The following DDX10 variants were observed in gnomAD, a reference collection of about 807,000 sequenced individuals.
The protein encoded by DDX10 is probable ATP-dependent RNA helicase DDX10.
DDX10 carries 74 observed loss-of-function variants against 104.3 expected under a neutral mutation model. The ratio of observed to expected loss-of-function variants is 0.71; its 90% CI spans 0.59 to 0.86. The LOEUF is 0.86. Ranked by LOEUF, DDX10 falls within the 40% of genes least tolerant of loss-of-function variation. The pLI is 0.00. For synonymous variants in DDX10, 351 were observed against 353.4 expected, an observed-to-expected ratio of 0.99 and a Z score of 0.08; for missense variants, 952 against 1,040.0, an observed-to-expected ratio of 0.92 and a Z score of 1.16.
intron 13 of DDX10, among the ~76,000 whole-genome samples, chr11:108,794,322 A>C (rs1861910604): frequency 6.6e-6 from 1 of 152,004 alleles, no homozygotes; most frequent in African/African-American, 2.4e-5. Flanking sequence ...ACAGTTATGT[A>C]ATCTTTGAAT....
At chr11:108,680,518 T>A (rs2094233396) in intron 6 of DDX10, among the ~76,000 whole-genome samples, 1 of 152,206 alleles carries the variant, frequency 6.6e-6, no homozygotes, top group South Asian at 2.1e-4. Flanking sequence ...TGTGCCCAGC[T>A]GGGATATGTT....
intron 13 of DDX10, among the ~76,000 whole-genome samples, chr11:108,813,830 T>C (rs1862219716): frequency 6.6e-6 from 1 of 152,208 alleles, no homozygotes; most frequent in South Asian, 2.1e-4. Flanking sequence ...CAATCTTTTC[T>C]ACTGATTTAA....
At chr11:108,843,755 G>GA (rs35584339) in intron 15 of DDX10, among the ~76,000 whole-genome samples, 5,972 of 142,850 alleles carry the variant, frequency 0.042, 407 homozygotes, top group African/African-American at 0.14. Flanking sequence ...AGACTCCATC[G>GA]AAAAAAAAAA....
At chr11:108,813,907 C>G (rs1006038482) in intron 13 of DDX10, among the ~76,000 whole-genome samples, 1 of 152,054 alleles carries the variant, frequency 6.6e-6, no homozygotes, top group African/African-American at 2.4e-5. Flanking sequence ...TTTCATTGAT[C>G]TGTATATGTT....
intron 17 of DDX10, among the ~76,000 whole-genome samples, chr11:108,940,004 A>G (rs576248976): frequency 6.6e-6 from 1 of 152,268 alleles, no homozygotes; most frequent in South Asian, 2.1e-4. Context: ...GTAACTTCCT[A>G]GAATGATTGT....
At chr11:108,814,641 C>A (rs1862229650) in intron 13 of DDX10, among the ~76,000 whole-genome samples, 1 of 152,008 alleles carries the variant, frequency 6.6e-6, no homozygotes, top group Admixed American at 6.6e-5. Flanking sequence ...AATCTTGAAT[C>A]TTAGAGTAAC....
rs139455372 is a variant in DDX10, at chr11:108,771,992, G to A, written c.1965+48530G>A. 5.1e-3 allele frequency among the ~76,000 whole-genome samples: 783 copies of A among 152,272 alleles called. 6 individuals carry two copies. Among genetic ancestry groups the A allele is most frequent in the Non-Finnish European group, 8.7e-3 (591 of 68,028 alleles). Reference sequence around the variant, plus strand: ...GTACTGGTTTTGTAGCTTTTAGGCTGTTTTTAGCTTGTAGTTTGTCCATTG... The same window carrying A: ...GTACTGGTTTTGTAGCTTTTAGGCTATTTTTAGCTTGTAGTTTGTCCATTG... On this transcript the variant is annotated intron_variant, in intron 13 of 17. Transcript: ENST00000322536.
At chr11:108,680,724 A>T (rs1332658132) in intron 6 of DDX10, among the ~76,000 whole-genome samples, 2 of 152,222 alleles carry the variant, frequency 1.3e-5, no homozygotes, top group African/African-American at 2.4e-5. Flanking sequence ...CCTAAAAAGA[A>T]ATAGATTTGG....
intron 16 of DDX10, among the ~76,000 whole-genome samples, chr11:108,878,853 T>C (rs1482475559): frequency 6.6e-6 from 1 of 152,098 alleles, no homozygotes; most frequent in Non-Finnish European, 1.5e-5. Context: ...ATTTAACTGC[T>C]CAACTGTAAT....
chr11:108,925,426 T>C (rs1223541342), intron 17 of DDX10, among the ~76,000 whole-genome samples: 6 of 152,168 alleles, frequency 3.9e-5, no homozygotes, highest in Non-Finnish European at 7.3e-5. Context: ...GGTGAATAGC[T>C]CAGGATGCTA....
At chr11:108,933,744 T>C (rs1235985799) in intron 17 of DDX10, among the ~76,000 whole-genome samples, 1 of 152,228 alleles carries the variant, frequency 6.6e-6, no homozygotes, top group Non-Finnish European at 1.5e-5. Context: ...GATTTAAATG[T>C]CTACTTACAT....
chr11:108,935,849 T>G (rs1250183889), intron 17 of DDX10, among the ~76,000 whole-genome samples: 1 of 152,186 alleles, frequency 6.6e-6, no homozygotes, highest in African/African-American at 2.4e-5. Context: ...TTGTTTTCAA[T>G]GATAATGGTC....
chr11:108,669,590 A>T (rs1354594519), intron 1 of DDX10, among the ~76,000 whole-genome samples: 1 of 152,184 alleles, frequency 6.6e-6, no homozygotes, highest in South Asian at 2.1e-4. Context: ...CTGTGATGAC[A>T]TTGGAGGCTG....
intron 11 of DDX10, among the ~76,000 whole-genome samples, chr11:108,718,163 C>CAA (rs5794602): frequency 3.7e-5 from 5 of 135,730 alleles, no homozygotes; most frequent in Admixed American, 7.4e-5. Context: ...GGCTCTGTCT[C>CAA]AAAAAAAAAA....
chr11:108,665,460 G>A (rs2094208892), intron 1 of DDX10, 121 bp downstream of exon 1: 3 of 1,144,206 alleles, frequency 2.6e-6, no homozygotes, highest in African/African-American at 1.6e-5. Flanking sequence ...GGGAATGAGA[G>A]GTCACGCCGG....
chr11:108,788,601 G>A (rs2134546045), intron 13 of DDX10, among the ~76,000 whole-genome samples: 1 of 152,340 alleles, frequency 6.6e-6, no homozygotes, highest in East Asian at 1.9e-4. Context: ...GACCTCAGGT[G>A]ATCCCCCCAC....
chr11:108,889,754 A>C (rs1863349945), intron 16 of DDX10, among the ~76,000 whole-genome samples: 1 of 152,208 alleles, frequency 6.6e-6, no homozygotes, highest in African/African-American at 2.4e-5. Context: ...CAAACTCACA[A>C]TTTTAGAAGA....
chr11:108,926,290 A>G (rs1302967827), intron 17 of DDX10, among the ~76,000 whole-genome samples: 1 of 137,198 alleles, frequency 7.3e-6, no homozygotes, highest in African/African-American at 2.7e-5. Flanking sequence ...TGTAGCACAG[A>G]CACTCCCATG....
At chr11:108,708,688 C>T (rs2094280038) in intron 10 of DDX10, among the ~76,000 whole-genome samples, 1 of 151,896 alleles carries the variant, frequency 6.6e-6, no homozygotes, top group African/African-American at 2.4e-5. Flanking sequence ...ATGCCTCAGC[C>T]TCCCAAGAAG....
Sources: allele counts gnomAD v4.1 joint callset (sites outside exome capture counted in the v4.1 genomes callset), GRCh38; gene constraint gnomAD v4.1.1; transcripts MANE v1.5; gene names NCBI Gene and HGNC (gene_info 2026-07-23, HGNC 2026-07-21).